The following LRRC4C variants were observed in gnomAD, a reference collection of about 807,000 sequenced individuals.
LRRC4C encodes the protein leucine-rich repeat-containing protein 4C.
In LRRC4C, 5 loss-of-function variants were observed where a neutral mutation model predicts 33.6. The observed-to-expected ratio is 0.15, with a 90% CI of 0.08 to 0.31. The LOEUF (loss-of-function observed/expected upper bound fraction) is 0.31. Ranked by LOEUF, LRRC4C falls within the 10% of genes least tolerant of loss-of-function variation. LRRC4C has a pLI of 1.00. For missense variants in LRRC4C, 560 were observed against 796.7 expected (o/e 0.70, Z 3.58); for synonymous variants, 329 against 302.0 (o/e 1.09, Z -0.93).
chr11:40,529,632 A>G (rs553028962), intron 3 of LRRC4C, among the ~76,000 whole-genome samples: 4 of 152,328 alleles, frequency 2.6e-5, no homozygotes, highest in Non-Finnish European at 4.4e-5. Flanking sequence ...AAGTAGATCA[A>G]TGAAATAAAG....
chr11:40,907,940 G>A (rs1339429935), intron 2 of LRRC4C, among the ~76,000 whole-genome samples: 2 of 152,116 alleles, frequency 1.3e-5, no homozygotes, highest in Non-Finnish European at 2.9e-5. Context: ...TGCACTTGAA[G>A]TTTCTGTATT....
rs949333264 is a variant in LRRC4C at position 40,728,354 on chromosome 11, C to G, written c.-406-80076G>C. ...GGCGCAGTGGCTCAAGCCTGTAATC[C>G]CAGCAATTTGGGAGGCCGAGGCGGA... On this transcript the variant is annotated intron_variant, in intron 2 of 6. Coordinates refer to ENST00000528697, the MANE Select transcript of LRRC4C (RefSeq NM_001258419.2). 7.2e-5 allele frequency among the ~76,000 whole-genome samples: 11 copies of G among 151,922 alleles called. No individual in the cohort carries two copies. The East Asian group carries it at 2.1e-3, about 30-fold the overall frequency.
chr11:40,216,670 CA>C (rs1463722632), intron 5 of LRRC4C, among the ~76,000 whole-genome samples: 1 of 152,090 alleles, frequency 6.6e-6, no homozygotes, highest in African/African-American at 2.4e-5. Flanking sequence ...ACTGGAAGAA[CA>C]AGCATAAAAG....
chr11:41,399,379 C>T (rs1056051610), intron 1 of LRRC4C, among the ~76,000 whole-genome samples: 1 of 151,818 alleles, frequency 6.6e-6, no homozygotes, highest in Non-Finnish European at 1.5e-5. Flanking sequence ...GTTTGCAAGG[C>T]CAAGTGTCGG....
chr11:41,359,777 T>C lies in LRRC4C; in HGVS notation c.-496+99654A>G, dbSNP rs980097634. Among the ~76,000 whole-genome samples the C allele has an allele frequency of 2.0e-5, 3 of 152,194 alleles. No homozygotes were observed. The East Asian group carries it at 5.8e-4, about 29-fold the overall frequency. On this transcript the variant is annotated intron_variant, in intron 1 of 6. Transcript: ENST00000528697. ...GAGGTTTTCCAGTAACTGGCTTAGA[T>C]GAAATTCAAACTCAGGCTTTGCAAT... is the stretch of plus-strand genomic sequence containing the variant.
At chr11:40,729,223 G>A (rs1360426439) in intron 2 of LRRC4C, among the ~76,000 whole-genome samples, 4 of 152,074 alleles carry the variant, frequency 2.6e-5, no homozygotes, top group East Asian at 3.9e-4. Context: ...TATTTTAGTC[G>A]AAATTAGTGT....
At chr11:40,915,819 G>C (rs1321272557) in intron 2 of LRRC4C, among the ~76,000 whole-genome samples, 4 of 152,102 alleles carry the variant, frequency 2.6e-5, no homozygotes, top group African/African-American at 9.6e-5. Flanking sequence ...CTAATATCCA[G>C]AATCTACAAT....
intron 1 of LRRC4C, among the ~76,000 whole-genome samples, chr11:41,315,359 G>C (rs1238874364): frequency 6.6e-6 from 1 of 152,142 alleles, no homozygotes; most frequent in Non-Finnish European, 1.5e-5. Flanking sequence ...AAGTGACTAT[G>C]GGGGATTTTT....
intron 1 of LRRC4C, among the ~76,000 whole-genome samples, chr11:40,993,613 GT>G (rs1156377374): frequency 1.3e-5 from 2 of 152,044 alleles, no homozygotes; most frequent in Non-Finnish European, 2.9e-5. Context: ...AGGTTTGAAT[GT>G]TTTTATCCCC....
intron 3 of LRRC4C, among the ~76,000 whole-genome samples, chr11:40,565,040 A>C (rs1406143449): frequency 1.3e-5 from 2 of 152,188 alleles, no homozygotes; most frequent in African/African-American, 4.8e-5. Flanking sequence ...ACCAACCAAG[A>C]CCTGCAGAGG....
intron 3 of LRRC4C, among the ~76,000 whole-genome samples, chr11:40,631,731 C>G (rs1963496177): frequency 6.6e-6 from 1 of 152,066 alleles, no homozygotes; most frequent in African/African-American, 2.4e-5. Flanking sequence ...CAAATATTAT[C>G]TGAGATCCAA....
intron 2 of LRRC4C, among the ~76,000 whole-genome samples, chr11:40,831,070 C>A (rs1952391041): frequency 1.3e-5 from 2 of 152,094 alleles, no homozygotes; most frequent in Non-Finnish European, 2.9e-5. Context: ...AGATATCACA[C>A]AGTAGGCAAT....
chr11:41,252,699 G>T (rs376253726), intron 1 of LRRC4C, among the ~76,000 whole-genome samples: 2 of 152,182 alleles, frequency 1.3e-5, no homozygotes, highest in South Asian at 4.1e-4. Flanking sequence ...TTGAGACTGG[G>T]TAATTTATAA....
At chr11:41,284,651 CT>C (rs1949768330) in intron 1 of LRRC4C, among the ~76,000 whole-genome samples, 1 of 152,172 alleles carries the variant, frequency 6.6e-6, no homozygotes, top group African/African-American at 2.4e-5. Context: ...CATTTTTATT[CT>C]GTGTTAAAAA....
chr11:40,580,569 T>C (rs568026149), intron 3 of LRRC4C, among the ~76,000 whole-genome samples: 35 of 152,182 alleles, frequency 2.3e-4, no homozygotes, highest in Non-Finnish European at 4.7e-4. Context: ...TTTTTGTAAA[T>C]ATCTATAACC....
intron 1 of LRRC4C, among the ~76,000 whole-genome samples, chr11:41,085,798 A>G (rs1289958775): frequency 6.6e-6 from 1 of 152,078 alleles, no homozygotes; most frequent in Non-Finnish European, 1.5e-5. Context: ...CCAGACATGA[A>G]ATTGAGCAGG....
chr11:41,283,418 A>G (rs1389154417), intron 1 of LRRC4C, among the ~76,000 whole-genome samples: 2 of 152,202 alleles, frequency 1.3e-5, no homozygotes, highest in Non-Finnish European at 2.9e-5. Context: ...TTAGTCTAAT[A>G]AAGGAACCAC....
chr11:41,330,309 TTTTG>T (rs1326283456), intron 1 of LRRC4C, among the ~76,000 whole-genome samples: 1 of 152,066 alleles, frequency 6.6e-6, no homozygotes, highest in African/African-American at 2.4e-5. Flanking sequence ...GTGAGCACTA[TTTTG>T]TTTTTTTCTT....
intron 3 of LRRC4C, among the ~76,000 whole-genome samples, chr11:40,393,226 T>A (rs1296999060): frequency 6.6e-6 from 1 of 152,168 alleles, no homozygotes; most frequent in Non-Finnish European, 1.5e-5. Flanking sequence ...TTAAAACTTA[T>A]AAATAATATG....
Sources: allele counts gnomAD v4.1 joint callset (sites outside exome capture counted in the v4.1 genomes callset), GRCh38; gene constraint gnomAD v4.1.1; transcripts MANE v1.5; gene names NCBI Gene and HGNC (gene_info 2026-07-23, HGNC 2026-07-21).